CABIN1: variants seen among roughly 807,000 people sequenced by gnomAD.
CABIN1 encodes the protein calcineurin binding protein 1, also known as calcineurin-binding protein cabin-1.
In CABIN1, 133 loss-of-function variants were observed where a neutral mutation model predicts 227.7. That is an observed-to-expected ratio of 0.58 (90% CI 0.51 to 0.67). CABIN1 has a LOEUF of 0.67. Ranked by LOEUF, CABIN1 falls within the 30% of genes least tolerant of loss-of-function variation. The pLI is 0.00. For missense variants in CABIN1, 2,408 were observed against 2,852.5 expected (o/e 0.84, Z 3.55); for synonymous variants, 1,086 against 1,155.1 (o/e 0.94, Z 1.21).
chr22:24,075,393 C>T (rs996378378), intron 18 of CABIN1, among the ~76,000 whole-genome samples: 1 of 152,154 alleles, frequency 6.6e-6, no homozygotes, highest in African/African-American at 2.4e-5. Flanking sequence ...AAATGTGTAA[C>T]TGGAATTCAG....
chr22:24,150,772 A>G (rs1288176732), intron 29 of CABIN1, among the ~76,000 whole-genome samples: 2 of 152,172 alleles, frequency 1.3e-5, no homozygotes, highest in African/African-American at 4.8e-5. Flanking sequence ...AGTTAGACCT[A>G]GGCTAAATTC....
intron 26 of CABIN1, 69 bp downstream of exon 26, chr22:24,098,261 C>G (rs2042011476): frequency 6.2e-7 from 1 of 1,610,262 alleles, no homozygotes; most frequent in African/African-American, 1.3e-5. Flanking sequence ...GCTCGGACGA[C>G]TCATTTTGTC....
Position 24,178,320 on chromosome 22 carries a change from C to A in CABIN1, c.*124C>A. On this transcript the variant is annotated 3_prime_UTR_variant, in exon 37 of 37. Coordinates refer to ENST00000263119, the MANE Select transcript of CABIN1 (RefSeq NM_012295.4). ...GCCACTCCCCACACAGCCCCCAGGC[C>A]TGCCCAGCCCACCTCCTCATGGCAT... The A allele has an allele frequency of 8.1e-7, 1 of 1,230,022 alleles. No individual in the cohort carries two copies. The highest frequency in any genetic ancestry group is 1.1e-6 in the Non-Finnish European group (1 of 878,218). The allele number at this position is 1,230,022 out of a possible 1,614,324, so 76.2% of individuals were successfully genotyped here. A position where few individuals can be genotyped will look rare whatever the true frequency, so the allele number is the denominator to read the frequency against.
chr22:24,029,217 G>A (rs954893096), intron 1 of CABIN1, among the ~76,000 whole-genome samples: 2 of 152,098 alleles, frequency 1.3e-5, no homozygotes, highest in African/African-American at 4.8e-5. Context: ...AGCCAGACGT[G>A]GTGGAGCATG....
intron 28 of CABIN1, among the ~76,000 whole-genome samples, chr22:24,124,988 A>G (rs1408630506): frequency 6.6e-6 from 1 of 152,230 alleles, no homozygotes; most frequent in East Asian, 1.9e-4. Flanking sequence ...AGTATGGAAT[A>G]TTAGCCTTAA....
chr22:24,096,573 G>A (rs560966814), intron 25 of CABIN1, among the ~76,000 whole-genome samples: 57 of 152,218 alleles, frequency 3.7e-4, no homozygotes, highest in Non-Finnish European at 6.8e-4. Flanking sequence ...CCTCTCAGTG[G>A]GCCTGGACTG....
intron 7 of CABIN1, among the ~76,000 whole-genome samples, chr22:24,049,784 C>G (rs2038182173): frequency 6.6e-6 from 1 of 152,126 alleles, no homozygotes; most frequent in South Asian, 2.1e-4. Context: ...GTGTGGCATC[C>G]TGTCTTCTCA....
intron 29 of CABIN1, among the ~76,000 whole-genome samples, chr22:24,147,983 A>C (rs1569283154): frequency 6.6e-6 from 1 of 152,198 alleles, no homozygotes; most frequent in Non-Finnish European, 1.5e-5. Context: ...GTGAGCAGGC[A>C]GGAAGAGGCT....
chr22:24,044,030 C>A (rs940637577), intron 6 of CABIN1, among the ~76,000 whole-genome samples: 1 of 152,190 alleles, frequency 6.6e-6, no homozygotes, highest in African/African-American at 2.4e-5. Context: ...TTCTCTTTGA[C>A]CTGATGCTCC....
At chr22:24,158,343 A>G (rs1056426786) in intron 29 of CABIN1, among the ~76,000 whole-genome samples, 1 of 152,264 alleles carries the variant, frequency 6.6e-6, no homozygotes, top group African/African-American at 2.4e-5. Context: ...TGGGTGATCT[A>G]TCTTGAAGAG....
At chr22:24,120,120 G>C (rs2147928403) in intron 28 of CABIN1, among the ~76,000 whole-genome samples, 1 of 152,304 alleles carries the variant, frequency 6.6e-6, no homozygotes, top group African/African-American at 2.4e-5. Context: ...CTTACTCTCT[G>C]TTCTGGCCTT....
intron 29 of CABIN1, among the ~76,000 whole-genome samples, chr22:24,158,273 C>T (rs1466341972): frequency 2.0e-5 from 3 of 152,342 alleles, no homozygotes; most frequent in South Asian, 4.1e-4. Context: ...AGCTCAGGCA[C>T]CCAGGACCTG....
intron 29 of CABIN1, among the ~76,000 whole-genome samples, chr22:24,154,042 T>C (rs1259458684): frequency 1.3e-5 from 2 of 152,128 alleles, no homozygotes; most frequent in African/African-American, 4.8e-5. Context: ...TGGGAAGGCA[T>C]GCGCGCTGGG....
intron 29 of CABIN1, among the ~76,000 whole-genome samples, chr22:24,159,141 C>G (rs933383578): frequency 6.6e-6 from 1 of 152,194 alleles, no homozygotes; most frequent in Non-Finnish European, 1.5e-5. Flanking sequence ...CCCAGGAGGC[C>G]AGGCTCTGCT....
At position 24,038,403 on chromosome 22, in the gene CABIN1, G is replaced by T. The variant is rs1013805114; in HGVS notation, c.152G>T (p.Arg51Leu). The T allele has an allele frequency of 1.9e-6, 3 of 1,614,100 alleles. No individual in the cohort carries two copies. The highest frequency in any genetic ancestry group is 1.3e-5 in the African/African-American group (1 of 75,038). ...HKALDLQKHD[R>L]FEESAKAYHE... The stretch of plus-strand genomic sequence containing the variant: ...GCCCTTGATCTGCAGAAACATGACC[G>T]GTTTGAGGAGTCTGCCAAAGCCTAC... Residue 51 changes from arginine (R) to leucine (L), a missense_variant, in exon 4 of 37, where the codon CGG (arginine) becomes CTG (leucine). Around this residue, in one of 3 missense-constraint regions of CABIN1, gnomAD observed 1,045 missense variants for 1,168.4 expected, o/e 0.89. Coordinates refer to ENST00000263119, the MANE Select transcript of CABIN1 (RefSeq NM_012295.4).
At chr22:24,098,216 G>C (rs1173410661) in intron 26 of CABIN1, 24 bp downstream of exon 26, 2 of 1,611,746 alleles carry the variant, frequency 1.2e-6, no homozygotes, top group Admixed American at 3.3e-5. Context: ...TCTCCCTACT[G>C]CCAGCCCAGG....
chr22:24,078,389 A>G (rs985366231), intron 19 of CABIN1, among the ~76,000 whole-genome samples: 1 of 152,232 alleles, frequency 6.6e-6, no homozygotes, highest in African/African-American at 2.4e-5. Flanking sequence ...TCTGGGTGCC[A>G]TGGAGGGTTA....
chr22:24,051,931 A>G lies in CABIN1; in HGVS notation c.806+957A>G, dbSNP rs117939281. 7.1e-4 allele frequency among the ~76,000 whole-genome samples: 108 copies of G among 151,974 alleles called. 1 individual carries two copies. The East Asian group carries it at 0.017, about 24-fold the overall frequency. ...TGTAGAATTTCCCAGAAATATTTCC[A>G]TACCCGAGCACCGAGATGGCCAGGA... is the stretch of plus-strand genomic sequence containing the variant. On this transcript the variant is annotated intron_variant, in intron 8 of 36. Coordinates refer to ENST00000263119, the MANE Select transcript of CABIN1 (RefSeq NM_012295.4).
intron 23 of CABIN1, among the ~76,000 whole-genome samples, chr22:24,089,017 T>A (rs887871171): frequency 1.3e-5 from 2 of 152,230 alleles, no homozygotes; most frequent in African/African-American, 4.8e-5. Flanking sequence ...CTGAAGCTGC[T>A]GCCCTAGGAT....
Sources: allele counts gnomAD v4.1 joint callset (sites outside exome capture counted in the v4.1 genomes callset), GRCh38; gene constraint gnomAD v4.1.1; regional missense constraint gnomAD v4.1.1; transcripts MANE v1.5; gene names NCBI Gene and HGNC (gene_info 2026-07-23, HGNC 2026-07-21).